Variants in SLC7A6OS observed in about 807,000 individuals in gnomAD.
SLC7A6OS encodes solute carrier family 7 member 6 opposite strand.
Under a neutral mutation model 34.3 loss-of-function variants are expected in SLC7A6OS, and 22 were observed. The ratio of observed to expected loss-of-function variants is 0.64; its 90% CI spans 0.46 to 0.92. The LOEUF (loss-of-function observed/expected upper bound fraction) is 0.92, where lower values mean the gene tolerates loss of function less well. Ranked by LOEUF, SLC7A6OS falls within the 40% of genes least tolerant of loss-of-function variation. The pLI, the probability that SLC7A6OS is intolerant of heterozygous loss-of-function variation, is 0.00. For missense variants in SLC7A6OS, 434 were observed against 407.7 expected (o/e 1.06, Z -0.56); for synonymous variants, 199 against 165.0 (o/e 1.21, Z -1.58).
chr16:68,303,966 T>C (rs2151239944), intron 3 of SLC7A6OS, 60 bp downstream of exon 3: 1 of 1,469,742 alleles, frequency 6.8e-7, no homozygotes. Flanking sequence ...AAGCAAAGCA[T>C]TCTGATTAGA....
intron 3 of SLC7A6OS, among the ~76,000 whole-genome samples, chr16:68,303,046 T>C (rs2043297476): frequency 6.6e-6 from 1 of 151,496 alleles, no homozygotes; most frequent in African/African-American, 2.4e-5. Flanking sequence ...GGTGGATCAC[T>C]TGAGGTCAGA....
chr16:68,303,981 G>T (rs751483213), intron 3 of SLC7A6OS, 45 bp downstream of exon 3: 3 of 1,539,098 alleles, frequency 1.9e-6, no homozygotes, highest in Non-Finnish European at 2.7e-6. Flanking sequence ...ATTAGATTAA[G>T]AGCTTAGGAT....
rs1389596530 is a variant in SLC7A6OS, at chr16:68,301,124, T to C, written c.*151A>G. On this transcript the variant is annotated 3_prime_UTR_variant, in exon 5 of 5. Transcript: ENST00000263997. ...TCACTCCCCTAACATAAGTTTTCAC[T>C]GTGGTGGGATGGTGCCGCCCGATAT... 26 of 1,378,582 alleles carry C rather than the reference T, an allele frequency of 1.9e-5. No homozygotes were observed. The highest frequency in any genetic ancestry group is 2.4e-5 in the Non-Finnish European group (26 of 1,062,048). The allele number at this position is 1,378,582 out of a possible 1,614,324, so 85.4% of individuals were successfully genotyped here.
At chr16:68,306,248 C>T (rs2043325777) in intron 2 of SLC7A6OS, among the ~76,000 whole-genome samples, 1 of 151,988 alleles carries the variant, frequency 6.6e-6, no homozygotes, top group Admixed American at 6.6e-5. Flanking sequence ...GATGGAGTTT[C>T]GCTCTTGTCA....
intron 3 of SLC7A6OS, chr16:68,303,633 C>T (rs183766373): frequency 1.8e-5 from 3 of 170,334 alleles, no homozygotes; most frequent in South Asian, 2.9e-4. Context: ...TTTCTTCATC[C>T]GAGGTTTCTC....
Position 68,300,591 on chromosome 16 carries a change from A to G in SLC7A6OS, c.*684T>C. 2.0e-6 allele frequency: 2 copies of G among 980,304 alleles called. No individual in the cohort carries two copies. Among genetic ancestry groups the G allele is most frequent in the Non-Finnish European group, 2.4e-6 (2 of 825,294 alleles). 60.7% of individuals were successfully genotyped at this position (980,304 alleles called of 1,614,324 possible). ...TCCCTGTTTTAGATATTCAGATTTA[A>G]AAGGTTTTCAAAGAATTACTTTCTT... On this transcript the variant is annotated 3_prime_UTR_variant, in exon 5 of 5. Coordinates refer to ENST00000263997, the MANE Select transcript of SLC7A6OS (RefSeq NM_032178.3).
At chr16:68,301,467 C>T in intron 4 of SLC7A6OS, 62 bp from the exon 5 acceptor site, 1 of 1,478,492 alleles carries the variant, frequency 6.8e-7, no homozygotes, top group South Asian at 1.2e-5. Flanking sequence ...GCAGGAGCCC[C>T]TTCTCTTCTC....
intron 3 of SLC7A6OS, 107 bp from the exon 4 acceptor site, chr16:68,302,608 T>C: frequency 7.1e-7 from 1 of 1,411,240 alleles, no homozygotes; most frequent in South Asian, 1.2e-5. Flanking sequence ...AAAAGTGCCC[T>C]GTGAAAAAAC....
At chr16:68,304,643 C>T (rs1037344686) in intron 2 of SLC7A6OS, among the ~76,000 whole-genome samples, 1 of 152,070 alleles carries the variant, frequency 6.6e-6, no homozygotes, top group African/African-American at 2.4e-5. Context: ...GTGTTGTGGT[C>T]AAGATTCTTA....
intron 2 of SLC7A6OS, among the ~76,000 whole-genome samples, chr16:68,305,408 G>T (rs1227045301): frequency 6.6e-6 from 1 of 152,158 alleles, no homozygotes; most frequent in African/African-American, 2.4e-5. Flanking sequence ...AATGGCCCAG[G>T]TAAGATGTGC....
chr16:68,309,607 C>T (rs1015134919), intron 2 of SLC7A6OS, among the ~76,000 whole-genome samples: 2 of 152,144 alleles, frequency 1.3e-5, no homozygotes, highest in African/African-American at 4.8e-5. Context: ...ATGAAGTTAG[C>T]AAATGTAATA....
intron 2 of SLC7A6OS, among the ~76,000 whole-genome samples, chr16:68,308,554 G>C (rs1049130471): frequency 6.6e-6 from 1 of 151,820 alleles, no homozygotes; most frequent in Non-Finnish European, 1.5e-5. Flanking sequence ...TTGAATCCAG[G>C]AGGCAGAGGC....
At position 68,304,212 on chromosome 16, in the gene SLC7A6OS, G is replaced by T. The variant is rs1388923463; in HGVS notation, c.492C>A (p.Ile164=). 6.2e-7 allele frequency: 1 copy of T among 1,614,006 alleles called. No homozygotes were observed. The highest frequency in any genetic ancestry group is 1.3e-5 in the African/African-American group (1 of 74,916). The change falls in exon 3 of 5, where the codon ATC becomes ATA. Residue 164 remains isoleucine (I), a synonymous_variant. Transcript: ENST00000263997. The stretch of plus-strand genomic sequence containing the variant: ...GGATCAACTCTACAGAATTGCAGAG[G>T]ATCACATCTGGGTCAGATGTCTGTA... ...GSCKTSDPDV[I]LCNSVELIRE...
Position 68,304,224 on chromosome 16 carries a change from G to C in SLC7A6OS, c.480C>G (p.Asp160Glu). The C allele has an allele frequency of 6.2e-7, 1 of 1,613,630 alleles. No homozygotes were observed. The part of the protein sequence containing the change: ...AASAGSCKTS[D>E]PDVILCNSVE... ...CAGAATTGCAGAGGATCACATCTGG[G>C]TCAGATGTCTGTAAAGAAACCACAG... The change falls in exon 3 of 5, where the codon GAC becomes GAG. Residue 160 changes from aspartate to glutamate, a missense_variant. By Grantham distance (45) the Asp-to-Glu change is conservative. Coordinates refer to ENST00000263997, the MANE Select transcript of SLC7A6OS (RefSeq NM_032178.3).
At chr16:68,304,466 G>A (rs368954982) in intron 2 of SLC7A6OS, among the ~76,000 whole-genome samples, 2 of 152,110 alleles carry the variant, frequency 1.3e-5, no homozygotes, top group African/African-American at 4.8e-5. Flanking sequence ...GACTACAGGT[G>A]CGTGCCACCA....
chr16:68,305,012 CTT>C (rs1490747296), intron 2 of SLC7A6OS, among the ~76,000 whole-genome samples: 1 of 152,120 alleles, frequency 6.6e-6, no homozygotes, highest in African/African-American at 2.4e-5. Context: ...CAGATTAAGA[CTT>C]ATCTCAAAAC....
chr16:68,301,084 G>A lies in SLC7A6OS; in HGVS notation c.*191C>T, dbSNP rs1323959792. The A allele has an allele frequency of 3.1e-6, 4 of 1,290,230 alleles. No homozygotes were observed. The highest frequency in any genetic ancestry group is 2.6e-5 in the South Asian group (1 of 38,668). 79.9% of individuals were successfully genotyped at this position (1,290,230 alleles called of 1,614,324 possible). A position where few individuals can be genotyped will look rare whatever the true frequency, so the allele number is the denominator to read the frequency against. The stretch of plus-strand genomic sequence containing the variant: ...TTGATTGAGGCAAAGGGGTCCTACT[G>A]TAAGTGGAAAAGACTCACTCCCCTA... On this transcript the variant is annotated 3_prime_UTR_variant, in exon 5 of 5. Transcript: ENST00000263997.
chr16:68,302,240 C>T, intron 4 of SLC7A6OS, 141 bp downstream of exon 4: 1 of 932,892 alleles, frequency 1.1e-6, no homozygotes. Flanking sequence ...CTTTGGGTCT[C>T]CTACAGCATG....
At chr16:68,302,306 G>T in intron 4 of SLC7A6OS, 75 bp downstream of exon 4, 1 of 1,558,682 alleles carries the variant, frequency 6.4e-7, no homozygotes. Context: ...AGGCAATTAA[G>T]ATGCACCTGT....
Sources: gnomAD v4.1 joint callset for allele counts (sites outside exome capture counted in the v4.1 genomes callset) on GRCh38, gnomAD v4.1.1 for gene constraint, MANE v1.5 for transcripts, NCBI Gene and HGNC (gene_info 2026-07-23, HGNC 2026-07-21) for gene names.